Variants in CADPS observed in about 807,000 individuals in gnomAD.
CADPS encodes the protein calcium-dependent secretion activator 1.
In CADPS, 57 loss-of-function variants were observed where a neutral mutation model predicts 167.3. The ratio of observed to expected loss-of-function variants is 0.34; its 90% CI spans 0.28 to 0.42. CADPS has a LOEUF of 0.42. CADPS is among the 20% of genes least tolerant of loss of function. The pLI is 1.00. For synonymous variants in CADPS, 676 were observed against 635.3 expected (o/e 1.06, Z -0.96); for missense variants, 1,414 against 1,738.1 (o/e 0.81, Z 3.32).
intron 1 of CADPS, among the ~76,000 whole-genome samples, chr3:62,853,623 TAA>T (rs71126559): frequency 2.8e-4 from 33 of 118,256 alleles, no homozygotes; most frequent in Admixed American, 4.3e-4. Flanking sequence ...AAAACTCCAC[TAA>T]AAAAAAAAAA....
chr3:62,539,223 G>A (rs862985), intron 11 of CADPS, among the ~76,000 whole-genome samples: 11,257 of 152,050 alleles, frequency 0.074, 490 homozygotes, highest in East Asian at 0.15. Context: ...CTGAGCATCA[G>A]TTGCCTTCTG....
At chr3:62,436,401 T>C (rs1433823285) in intron 28 of CADPS, among the ~76,000 whole-genome samples, 1 of 152,032 alleles carries the variant, frequency 6.6e-6, no homozygotes, top group Non-Finnish European at 1.5e-5. Flanking sequence ...AACCTAGGCA[T>C]TGAAAAGGAC....
intron 8 of CADPS, among the ~76,000 whole-genome samples, chr3:62,575,229 T>A (rs1194991966): frequency 6.6e-6 from 1 of 152,220 alleles, no homozygotes; most frequent in Non-Finnish European, 1.5e-5. Flanking sequence ...TAATTCATAT[T>A]GAATCATTAA....
chr3:62,467,752 T>C (rs2150423445), intron 24 of CADPS, among the ~76,000 whole-genome samples: 1 of 152,254 alleles, frequency 6.6e-6, no homozygotes, highest in Middle Eastern at 3.4e-3. Flanking sequence ...TGTATAAAGA[T>C]TTTTAGCGGG....
rs903342643 is a variant in CADPS at position 62,875,168 on chromosome 3, C to T, written c.-139G>A. On this transcript the variant is annotated 5_prime_UTR_variant, in exon 1 of 30. Transcript: ENST00000383710. ...AGGGAGCGAGAGCGCTGCTGCTCAG[C>T]CTCGGCCGCCGCGACTGATCCTCTG... is the stretch of plus-strand genomic sequence containing the variant. 1.5e-5 allele frequency: 17 copies of T among 1,145,820 alleles called. No homozygotes were observed. The highest frequency in any genetic ancestry group is 8.2e-5 in the African/African-American group (5 of 61,056). 71.0% of individuals were successfully genotyped at this position (1,145,820 alleles called of 1,614,324 possible). A position where few individuals can be genotyped will look rare whatever the true frequency, so the allele number is the denominator to read the frequency against.
At chr3:62,648,040 A>T (rs2068998889) in intron 5 of CADPS, among the ~76,000 whole-genome samples, 1 of 152,184 alleles carries the variant, frequency 6.6e-6, no homozygotes, top group South Asian at 2.1e-4. Flanking sequence ...CCCTCCAGCC[A>T]TGCAAGTGTA....
intron 1 of CADPS, among the ~76,000 whole-genome samples, chr3:62,793,264 T>A (rs1287910112): frequency 2.7e-5 from 4 of 149,324 alleles, no homozygotes; most frequent in African/African-American, 7.7e-5. Context: ...GAATGTGGCA[T>A]CACTATTTAT....
intron 1 of CADPS, among the ~76,000 whole-genome samples, chr3:62,770,839 C>T (rs1253593410): frequency 6.6e-6 from 1 of 152,170 alleles, no homozygotes; most frequent in Non-Finnish European, 1.5e-5. Context: ...TCATTGCTCC[C>T]TCCAAAAGTG....
chr3:62,532,552 C>A (rs62243496), intron 13 of CADPS, among the ~76,000 whole-genome samples: 25,789 of 152,096 alleles, frequency 0.17, 2,852 homozygotes, highest in South Asian at 0.27. Context: ...ATTTTACAGA[C>A]GAGAAAACCG....
At chr3:62,824,022 C>A (rs747119049) in intron 1 of CADPS, among the ~76,000 whole-genome samples, 4 of 151,956 alleles carry the variant, frequency 2.6e-5, no homozygotes, top group Non-Finnish European at 5.9e-5. Flanking sequence ...AGGGGAAAAA[C>A]AGCCTGAAAT....
At chr3:62,669,886 T>C (rs1349531410) in intron 3 of CADPS, among the ~76,000 whole-genome samples, 1 of 152,198 alleles carries the variant, frequency 6.6e-6, no homozygotes, top group Non-Finnish European at 1.5e-5. Flanking sequence ...CTTACAGAAG[T>C]TCTGATTCTG....
At chr3:62,596,086 TATACACACACACAC>T (rs1562647760) in intron 6 of CADPS, among the ~76,000 whole-genome samples, 1 of 114,222 alleles carries the variant, frequency 8.8e-6, no homozygotes, top group East Asian at 2.6e-4. Context: ...TATATATATG[TATACACACACACAC>T]ACACACACAC....
At chr3:62,593,137 C>A (rs2086436725) in intron 6 of CADPS, among the ~76,000 whole-genome samples, 1 of 152,194 alleles carries the variant, frequency 6.6e-6, no homozygotes, top group East Asian at 1.9e-4. Context: ...TGGGATGGGG[C>A]TTCATTTGGT....
At chr3:62,803,033 C>A (rs1193964745) in intron 1 of CADPS, among the ~76,000 whole-genome samples, 1 of 152,152 alleles carries the variant, frequency 6.6e-6, no homozygotes, top group Non-Finnish European at 1.5e-5. Flanking sequence ...AAGGACAGGG[C>A]TGAGGCACAG....
chr3:62,576,732 G>C (rs2082334423), intron 8 of CADPS, among the ~76,000 whole-genome samples: 1 of 132,650 alleles, frequency 7.5e-6, no homozygotes, highest in South Asian at 2.6e-4. Context: ...GGAGGTTGCA[G>C]TGAGCTGAGA....
chr3:62,459,299 C>A (rs1424908679), intron 26 of CADPS, among the ~76,000 whole-genome samples: 2 of 152,232 alleles, frequency 1.3e-5, no homozygotes, highest in African/African-American at 4.8e-5. Context: ...GCTGGTCTCT[C>A]TGTGACCTCG....
chr3:62,487,705 G>A (rs911841956), intron 21 of CADPS, among the ~76,000 whole-genome samples: 21 of 152,064 alleles, frequency 1.4e-4, no homozygotes, highest in African/African-American at 9.7e-5. Context: ...TACCCTTTCC[G>A]TCAAATAACT....
chr3:62,510,169 T>C (rs1008333229), intron 17 of CADPS, among the ~76,000 whole-genome samples: 1 of 146,468 alleles, frequency 6.8e-6, no homozygotes, highest in Non-Finnish European at 1.5e-5. Flanking sequence ...TCCTCTCCTT[T>C]CCTCCCACCT....
At chr3:62,735,381 C>T (rs745577266) in intron 3 of CADPS, among the ~76,000 whole-genome samples, 22 of 152,026 alleles carry the variant, frequency 1.4e-4, no homozygotes, top group African/African-American at 3.4e-4. Flanking sequence ...TGTTACTCTG[C>T]GCTTGGGGGA....
Sources: gnomAD v4.1 joint callset for allele counts (sites outside exome capture counted in the v4.1 genomes callset) on GRCh38, gnomAD v4.1.1 for gene constraint, MANE v1.5 for transcripts, NCBI Gene and HGNC (gene_info 2026-07-23, HGNC 2026-07-21) for gene names.